The following LRRC7 variants were observed in gnomAD, a reference collection of about 807,000 sequenced individuals.
LRRC7 encodes the protein leucine rich repeat containing 7.
LRRC7 carries 23 observed loss-of-function variants against 175.7 expected under a neutral mutation model. The observed-to-expected ratio is 0.13, with a 90% CI of 0.09 to 0.19. The LOEUF is 0.19. LRRC7 is among the 10% of genes least tolerant of loss of function. The probability of loss-of-function intolerance (pLI) is 1.00; values close to 1 mark genes in which losing one functional copy is unlikely to be tolerated. For missense variants in LRRC7, 1,354 were observed against 1,904.7 expected (o/e 0.71, Z 5.38); for synonymous variants, 685 against 680.9 (o/e 1.01, Z -0.09).
rs111235262 is a variant in LRRC7, at chr1:69,653,865, G to A, written c.3-24516G>A. 7.5e-3 allele frequency among the ~76,000 whole-genome samples: 1,134 copies of A among 152,130 alleles called. 8 individuals carry two copies. Among genetic ancestry groups the A allele is most frequent in the Non-Finnish European group, 9.2e-3 (627 of 67,956 alleles). On this transcript the variant is annotated intron_variant, in intron 1 of 26. Coordinates refer to ENST00000651989, the MANE Select transcript of LRRC7 (RefSeq NM_001370785.2). ...AAGTGACATAAGCTAATCGCAGAAG[G>A]ACAAATACTAAATGTTTATACTTAT...
At chr1:69,928,689 G>A (rs1443344990) in intron 7 of LRRC7, among the ~76,000 whole-genome samples, 2 of 152,206 alleles carry the variant, frequency 1.3e-5, no homozygotes, top group Non-Finnish European at 2.9e-5. Context: ...GGAGTGACCC[G>A]ATTTTCCAGG....
At position 70,125,502 on chromosome 1, in the gene LRRC7, A is replaced by C. The variant is rs1048611357; in HGVS notation, c.*3615A>C. Reference sequence around the variant, plus strand: ...GACATATCTTTCAACTGGTGAGCTAAAGAGAGAGGGCCGGGCGCGGTGGCT... The same window carrying C: ...GACATATCTTTCAACTGGTGAGCTACAGAGAGAGGGCCGGGCGCGGTGGCT... On this transcript the variant is annotated 3_prime_UTR_variant, in exon 27 of 27. Coordinates refer to ENST00000651989, the MANE Select transcript of LRRC7 (RefSeq NM_001370785.2). 2.6e-4 allele frequency among the ~76,000 whole-genome samples: 39 copies of C among 152,188 alleles called. No individual in the cohort carries two copies. Among genetic ancestry groups the C allele is most frequent in the Non-Finnish European group, 5.1e-4 (35 of 68,030 alleles).
chr1:70,097,626 A>C (rs1300540574), intron 25 of LRRC7, among the ~76,000 whole-genome samples: 4 of 106,028 alleles, frequency 3.8e-5, no homozygotes, highest in South Asian at 3.8e-4. Context: ...CCCACCCCAC[A>C]ACAGTCCCCA....
chr1:69,582,947 T>C (rs1418170673), intron 1 of LRRC7, among the ~76,000 whole-genome samples: 1 of 152,156 alleles, frequency 6.6e-6, no homozygotes, highest in Non-Finnish European at 1.5e-5. Flanking sequence ...TTTTCCTAAG[T>C]TATAAGACAT....
intron 1 of LRRC7, among the ~76,000 whole-genome samples, chr1:69,629,834 A>T (rs1006320542): frequency 6.6e-6 from 1 of 151,982 alleles, no homozygotes; most frequent in African/African-American, 2.4e-5. Flanking sequence ...TCTTGTTCTC[A>T]TTTTATTCAG....
intron 18 of LRRC7, among the ~76,000 whole-genome samples, chr1:70,030,872 A>G (rs1251776620): frequency 6.6e-6 from 1 of 152,252 alleles, no homozygotes; most frequent in Non-Finnish European, 1.5e-5. Context: ...AACATACATT[A>G]TGCCAGACAA....
At chr1:69,633,718 C>T (rs1036052336) in intron 1 of LRRC7, among the ~76,000 whole-genome samples, 3 of 152,094 alleles carry the variant, frequency 2.0e-5, no homozygotes, top group Admixed American at 6.6e-5. Context: ...CATGAGCCAC[C>T]GTGCCCAGCC....
chr1:69,996,773 C>G (rs1655016920), intron 11 of LRRC7, among the ~76,000 whole-genome samples: 2 of 151,886 alleles, frequency 1.3e-5, no homozygotes, highest in Admixed American at 6.6e-5. Flanking sequence ...TGTTTTGGTA[C>G]CAGTACCATG....
chr1:69,952,961 G>A (rs1044593588), intron 8 of LRRC7, among the ~76,000 whole-genome samples: 2 of 137,370 alleles, frequency 1.5e-5, no homozygotes, highest in African/African-American at 2.8e-5. Flanking sequence ...GCCTGCCCAT[G>A]CCTTCAGGAA....
In LRRC7 at chr1:69,910,400, C is replaced by A. The variant is rs560449226; in HGVS notation, c.648-21107C>A. On this transcript the variant is annotated intron_variant, in intron 7 of 26. Transcript: ENST00000651989. ...TTTCTGTTTGTTAGTTTTCCTTCTA[C>A]CAGACAGGACCCTCAGCTGCAGGTC... 7.8e-4 allele frequency among the ~76,000 whole-genome samples: 119 copies of A among 152,268 alleles called. 1 individual carries two copies. Among genetic ancestry groups the A allele is most frequent in the South Asian group, 1.5e-3 (7 of 4,822 alleles).
chr1:69,918,762 A>C (rs1646794274), intron 7 of LRRC7, among the ~76,000 whole-genome samples: 1 of 152,204 alleles, frequency 6.6e-6, no homozygotes, highest in African/African-American at 2.4e-5. Flanking sequence ...TGATAATTAA[A>C]AACTGATGGA....
At chr1:69,810,084 C>T (rs2101135974) in intron 4 of LRRC7, among the ~76,000 whole-genome samples, 1 of 152,272 alleles carries the variant, frequency 6.6e-6, no homozygotes, top group African/African-American at 2.4e-5. Flanking sequence ...TCTCAGGATA[C>T]AAAATCAATG....
At chr1:69,768,380 A>G (rs1671853311) in intron 3 of LRRC7, among the ~76,000 whole-genome samples, 1 of 152,080 alleles carries the variant, frequency 6.6e-6, no homozygotes, top group South Asian at 2.1e-4. Flanking sequence ...TTTCCTTCAG[A>G]TCTCTGCTCA....
intron 7 of LRRC7, among the ~76,000 whole-genome samples, chr1:69,854,380 G>A (rs138656985): frequency 6.6e-6 from 1 of 152,232 alleles, no homozygotes; most frequent in African/African-American, 2.4e-5. Flanking sequence ...ATGTGTGCCT[G>A]TGGTCCTAGC....
intron 1 of LRRC7, among the ~76,000 whole-genome samples, chr1:69,615,034 C>T (rs1435214257): frequency 6.6e-6 from 1 of 152,002 alleles, no homozygotes; most frequent in African/African-American, 2.4e-5. Flanking sequence ...TGGCATAAAA[C>T]AATCAGACCA....
intron 7 of LRRC7, among the ~76,000 whole-genome samples, chr1:69,926,281 T>G (rs1647070169): frequency 7.4e-6 from 1 of 134,394 alleles, no homozygotes; most frequent in African/African-American, 2.7e-5. Flanking sequence ...AAATGTATAT[T>G]CTGTTGATTT....
intron 23 of LRRC7, among the ~76,000 whole-genome samples, chr1:70,057,250 G>T (rs966693055): frequency 6.6e-6 from 1 of 152,064 alleles, no homozygotes; most frequent in Non-Finnish European, 1.5e-5. Context: ...TTTAGTTTTT[G>T]TTATATATTA....
At chr1:69,749,303 T>A (rs1439659386) in intron 2 of LRRC7, among the ~76,000 whole-genome samples, 2 of 152,180 alleles carry the variant, frequency 1.3e-5, no homozygotes, top group African/African-American at 4.8e-5. Flanking sequence ...TCTAGCTTGA[T>A]CCTATAATCC....
intron 1 of LRRC7, among the ~76,000 whole-genome samples, chr1:69,649,774 A>G (rs1457595289): frequency 6.6e-6 from 1 of 152,112 alleles, no homozygotes; most frequent in Non-Finnish European, 1.5e-5. Flanking sequence ...AACTGCCTCC[A>G]GCTTTTTGTG....
Sources: gnomAD v4.1 joint callset for allele counts (sites outside exome capture counted in the v4.1 genomes callset) on GRCh38, gnomAD v4.1.1 for gene constraint, MANE v1.5 for transcripts, NCBI Gene and HGNC (gene_info 2026-07-23, HGNC 2026-07-21) for gene names.